Variants in ATF6 observed in about 807,000 individuals in gnomAD.
ATF6 encodes cyclic AMP-dependent transcription factor ATF-6 alpha.
In ATF6, 53 loss-of-function variants were observed where a neutral mutation model predicts 83.6. That is an observed-to-expected ratio of 0.63 (90% CI 0.51 to 0.80). ATF6 has a LOEUF of 0.80. ATF6 is among the 30% of genes least tolerant of loss of function. The probability of loss-of-function intolerance (pLI) is 0.00; values close to 1 mark genes in which losing one functional copy is unlikely to be tolerated. For missense variants in ATF6, 744 were observed against 797.9 expected, an observed-to-expected ratio of 0.93 and a Z score of 0.81; for synonymous variants, 288 against 285.8, an observed-to-expected ratio of 1.01 and a Z score of -0.08.
rs1394495266 is a variant in ATF6 at position 161,899,220 on chromosome 1, C to G, written c.1720-13076C>G. Among the ~76,000 whole-genome samples the G allele has an allele frequency of 2.0e-5, 3 of 152,140 alleles. No individual in the cohort carries two copies. The East Asian group carries it at 5.8e-4, about 29-fold the overall frequency. On this transcript the variant is annotated intron_variant, in intron 14 of 15. Transcript: ENST00000367942. ...AATAATATAAATATTTTAAAGTACT[C>G]CAGGCAGTTCTCCTTCAGTATTCCC...
chr1:161,821,763 A>C (rs768709054), intron 9 of ATF6, among the ~76,000 whole-genome samples: 6 of 152,184 alleles, frequency 3.9e-5, no homozygotes, highest in Non-Finnish European at 7.4e-5. Context: ...TCAGCTTTGC[A>C]TATTAGGAAG....
chr1:161,861,237 T>C (rs1686879951), intron 13 of ATF6, among the ~76,000 whole-genome samples: 1 of 152,184 alleles, frequency 6.6e-6, no homozygotes, highest in African/African-American at 2.4e-5. Flanking sequence ...TTCACTTATA[T>C]GAATTTAACA....
chr1:161,868,788 G>A (rs1261498737), intron 14 of ATF6, among the ~76,000 whole-genome samples: 2 of 152,022 alleles, frequency 1.3e-5, no homozygotes, highest in Non-Finnish European at 2.9e-5. Flanking sequence ...TTTATGATTT[G>A]CACTAGCCAG....
intron 9 of ATF6, among the ~76,000 whole-genome samples, chr1:161,827,682 A>G (rs1184374620): frequency 6.6e-6 from 1 of 152,184 alleles, no homozygotes; most frequent in Non-Finnish European, 1.5e-5. Flanking sequence ...AGTTTGCCAA[A>G]TATTGGTATG....
intron 15 of ATF6, among the ~76,000 whole-genome samples, chr1:161,914,472 C>T (rs1311116518): frequency 2.0e-5 from 3 of 152,222 alleles, no homozygotes; most frequent in Non-Finnish European, 4.4e-5. Flanking sequence ...CTAACTTCAG[C>T]ATCCGCATAG....
intron 7 of ATF6, among the ~76,000 whole-genome samples, chr1:161,805,709 A>C (rs367897571): frequency 2.0e-5 from 3 of 152,234 alleles, no homozygotes; most frequent in Admixed American, 6.5e-5. Context: ...ATTAGGATAA[A>C]TTAATATAAA....
chr1:161,837,779 T>G (rs1013924278), intron 9 of ATF6, among the ~76,000 whole-genome samples: 1 of 152,170 alleles, frequency 6.6e-6, no homozygotes, highest in African/African-American at 2.4e-5. Context: ...GGTAGCTAGT[T>G]TTTTCTGCGT....
At chr1:161,920,071 C>T (rs1400117973) in intron 15 of ATF6, among the ~76,000 whole-genome samples, 1 of 151,934 alleles carries the variant, frequency 6.6e-6, no homozygotes, top group Admixed American at 6.6e-5. Context: ...CTAAGCAGGT[C>T]GAGAGTTTTT....
intron 1 of ATF6, 92 bp downstream of exon 1, chr1:161,766,534 TG>T (rs1684268599): frequency 8.2e-7 from 1 of 1,215,426 alleles, no homozygotes; most frequent in Non-Finnish European, 1.2e-6. Context: ...GTGACAGGTG[TG>T]GACCAACCCT....
At chr1:161,946,517 C>A (rs937470840) in intron 15 of ATF6, among the ~76,000 whole-genome samples, 14 of 152,280 alleles carry the variant, frequency 9.2e-5, no homozygotes, top group African/African-American at 3.4e-4. Flanking sequence ...GCTAAAAAAT[C>A]TCTTTATGGT....
At chr1:161,829,030 CAAA>C (rs1480444087) in intron 9 of ATF6, among the ~76,000 whole-genome samples, 1 of 151,902 alleles carries the variant, frequency 6.6e-6, no homozygotes, top group East Asian at 1.9e-4. Flanking sequence ...TCAAAAGAGA[CAAA>C]GAAGGCCATT....
chr1:161,797,261 C>T (rs1055804032), intron 6 of ATF6, among the ~76,000 whole-genome samples: 40 of 152,064 alleles, frequency 2.6e-4, no homozygotes, highest in African/African-American at 8.5e-4. Context: ...AGAACCAGAA[C>T]AAGACAAGGA....
intron 15 of ATF6, among the ~76,000 whole-genome samples, chr1:161,948,912 A>G (rs1038520960): frequency 6.6e-6 from 1 of 152,256 alleles, no homozygotes; most frequent in African/African-American, 2.4e-5. Context: ...AAAAGCAGCC[A>G]AGTTCAGCGT....
At chr1:161,942,834 C>G (rs754019745) in intron 15 of ATF6, among the ~76,000 whole-genome samples, 8 of 150,844 alleles carry the variant, frequency 5.3e-5, no homozygotes, top group Non-Finnish European at 1.0e-4. Flanking sequence ...TGTCCTCACC[C>G]ACAGCCTCAT....
chr1:161,853,375 T>TCCAACTGGGTTA (rs775808013), intron 12 of ATF6, 52 bp downstream of exon 12: 1 of 1,416,870 alleles, frequency 7.1e-7, no homozygotes, highest in African/African-American at 1.4e-5. Context: ...TTGGAAGGCT[T>TCCAACTGGGTTA]CTCCCAGCTG....
At chr1:161,817,360 T>A (rs1685636026) in intron 7 of ATF6, among the ~76,000 whole-genome samples, 1 of 152,222 alleles carries the variant, frequency 6.6e-6, no homozygotes, top group Non-Finnish European at 1.5e-5. Context: ...ACTTCAGCAC[T>A]CTAGTATTAA....
At chr1:161,946,092 A>G (rs921856131) in intron 15 of ATF6, among the ~76,000 whole-genome samples, 1 of 152,036 alleles carries the variant, frequency 6.6e-6, no homozygotes, top group Non-Finnish European at 1.5e-5. Context: ...TGCAGCCTCA[A>G]CCTCCCAAGC....
rs1378953826 is a variant in ATF6, at chr1:161,784,097, G to A, written c.354+1G>A. On this transcript the variant is annotated splice_donor_variant, in intron 4 of 15. Coordinates refer to ENST00000367942, the MANE Select transcript of ATF6 (RefSeq NM_007348.4). LOFTEE classifies it high-confidence loss of function. ...TTATTCTTCAACTCAGCATGTTCCT[G>A]TGAGTAGCCAGTCTTTTACAATGAT... 6.3e-7 allele frequency: 1 copy of A among 1,597,778 alleles called. No homozygotes were observed. Among genetic ancestry groups the A allele is most frequent in the Non-Finnish European group, 8.6e-7 (1 of 1,166,280 alleles).
chr1:161,766,888 C>T (rs554020244), intron 1 of ATF6, among the ~76,000 whole-genome samples: 2 of 152,190 alleles, frequency 1.3e-5, no homozygotes, highest in African/African-American at 4.8e-5. Context: ...AATCTTACAG[C>T]TTTTACTATT....
Sources: gnomAD v4.1 joint callset for allele counts (sites outside exome capture counted in the v4.1 genomes callset) on GRCh38, gnomAD v4.1.1 for gene constraint, MANE v1.5 for transcripts, NCBI Gene and HGNC (gene_info 2026-07-23, HGNC 2026-07-21) for gene names.